NOTCH4: variants seen among roughly 807,000 people sequenced by gnomAD.
The protein encoded by NOTCH4 is notch receptor 4, also known as neurogenic locus notch homolog protein 4.
Under a neutral mutation model 189.0 loss-of-function variants are expected in NOTCH4, and 138 were observed. The ratio of observed to expected loss-of-function variants is 0.73; its 90% CI spans 0.64 to 0.84. The LOEUF is 0.84. NOTCH4 is among the 40% of genes least tolerant of loss of function. NOTCH4 has a pLI of 0.00. For missense variants in NOTCH4, 2,286 were observed against 2,605.4 expected (o/e 0.88, Z 2.67); for synonymous variants, 942 against 1,032.8 (o/e 0.91, Z 1.69).
Position 32,196,077 on chromosome 6 carries a change from GC to G in NOTCH4, c.5371del (p.Ala1791GlnfsTer11). 1 of 1,592,478 alleles carries G rather than the reference GC, an allele frequency of 6.3e-7. No individual in the cohort carries two copies. On this transcript the variant is annotated frameshift_variant, in exon 30 of 30. Transcript: ENST00000375023. LOFTEE classifies it low-confidence loss of function (END_TRUNC). Reference sequence around the variant, plus strand: ...AGCCTGGTCCCGCAGCTCTCGGGCTGCCCCCAGCCCCAGCAGTAGCTGGGCT... The same window carrying G: ...AGCCTGGTCCCGCAGCTCTCGGGCTGCCCCAGCCCCAGCAGTAGCTGGGCT... ...EVAQLLLGLG[A>X]ARELRDQAGL...
In NOTCH4 at chr6:32,217,937, A is replaced by G. The variant is rs1336226836; in HGVS notation, c.1624+58T>C. ...GGCCTTGGGTGATTGCTGAGCCTGA[A>G]CTCTGCAGGTTCAGAGGCCTGGGGT... On this transcript the variant is annotated intron_variant, in intron 9 of 29. Transcript: ENST00000375023. This position sits in a 1 kb window ranked among gnomAD's most constrained non-coding sequence, Gnocchi z 4.2. 8.7e-7 allele frequency: 1 copy of G among 1,147,088 alleles called. No individual in the cohort carries two copies. Among genetic ancestry groups the G allele is most frequent in the Non-Finnish European group, 1.3e-6 (1 of 765,534 alleles). The allele number at this position is 1,147,088 out of a possible 1,614,324, so 71.1% of individuals were successfully genotyped here.
intron 8 of NOTCH4, 54 bp from the exon 9 acceptor site, chr6:32,218,162 C>A: frequency 1.7e-6 from 2 of 1,203,748 alleles, no homozygotes; most frequent in Non-Finnish European, 2.4e-6. Context: ...GCCTGGGAGA[C>A]CTGTGTTCTA....
Position 32,222,997 on chromosome 6 carries a change from A to C in NOTCH4, c.155+8T>G, listed in dbSNP as rs765550703. ...CTCCAGTCTCCCACTCCTGCAAGGC[A>C]CACTCACTGGCAGGTCCCTTGTCCC... On this transcript the variant is annotated splice_region_variant and intron_variant, in intron 2 of 29. Transcript: ENST00000375023. The C allele has an allele frequency of 5.6e-6, 9 of 1,606,950 alleles. No homozygotes were observed. In the South Asian group the frequency reaches 9.9e-5, roughly 18 times the overall value.
In NOTCH4 at chr6:32,223,833, A is replaced by T. The variant is rs565940679; in HGVS notation, c.73+23T>A. 1.4e-5 allele frequency: 22 copies of T among 1,599,136 alleles called. No homozygotes were observed. The East Asian group carries it at 3.9e-4, about 28-fold the overall frequency. On this transcript the variant is annotated intron_variant, in intron 1 of 29. Coordinates refer to ENST00000375023, the MANE Select transcript of NOTCH4 (RefSeq NM_004557.4). ...CCTCCTAAGGGAGCTGGGTCCCCTCACCTCACCCACGCCATGCCTCACCTC... is the reference window on the plus strand; with the variant it reads ...CCTCCTAAGGGAGCTGGGTCCCCTCTCCTCACCCACGCCATGCCTCACCTC...
At chr6:32,196,867 T>C in intron 28 of NOTCH4, 58 bp downstream of exon 28, 1 of 1,595,798 alleles carries the variant, frequency 6.3e-7, no homozygotes, top group Non-Finnish European at 8.6e-7. Flanking sequence ...TTGCACGCTA[T>C]CTCCCACCCC....
chr6:32,217,995 C>G lies in NOTCH4; in HGVS notation c.1624G>C (p.Gly542Arg). The G allele has an allele frequency of 1.9e-6, 3 of 1,604,918 alleles. No individual in the cohort carries two copies. The highest frequency in any genetic ancestry group is 2.6e-6 in the Non-Finnish European group (3 of 1,171,906). ...TGGCCAGAGAGGCATCTGTACTCAC[C>G]AGGCAGGCAGATGCACTGGAAGCCG... is the stretch of plus-strand genomic sequence containing the variant. ...LNGFQCICLP[G>R]FSGTRCEEDI... The change falls in exon 9 of 30, where the codon GGA becomes CGA. Residue 542 changes from glycine (G) to arginine (R), a missense_variant and splice_region_variant. Gly to Arg is a moderately radical substitution (Grantham distance 125). Coordinates refer to ENST00000375023, the MANE Select transcript of NOTCH4 (RefSeq NM_004557.4). This position sits in a 1 kb window ranked among gnomAD's most constrained non-coding sequence, Gnocchi z 4.2.
chr6:32,201,640 C>T lies in NOTCH4; in HGVS notation c.3756-140G>A. On this transcript the variant is annotated intron_variant, in intron 21 of 29. Coordinates refer to ENST00000375023, the MANE Select transcript of NOTCH4 (RefSeq NM_004557.4). The surrounding 1 kb of genome is among the most constrained non-coding windows in gnomAD (Gnocchi z 5.5). ...GCAGCTGTGGAGCAATGAGCTTAGT[C>T]AAGTCCTGGATGGTAGTCCAGACAC... The T allele has an allele frequency of 3.9e-6, 3 of 759,754 alleles. No homozygotes were observed. The highest frequency in any genetic ancestry group is 5.7e-6 in the Non-Finnish European group (3 of 524,578). The allele number at this position is 759,754 out of a possible 1,614,324, so 47.1% of individuals were successfully genotyped here.
In NOTCH4 at chr6:32,220,281, A is replaced by G; in HGVS notation, c.1163T>C (p.Leu388Pro). Residue 388 changes from leucine (L) to proline (P), a missense_variant, in exon 7 of 30, where the codon CTC (leucine) becomes CCC (proline). This residue lies in a region of NOTCH4 where 1,903 missense variants were observed against 2,261.9 expected (regional missense o/e 0.84). Coordinates refer to ENST00000375023, the MANE Select transcript of NOTCH4 (RefSeq NM_004557.4). ...SCLCPPGRTG[L>P]LCHLEDMCLS... ...ACACATGTCTTCCAAGTGGCACAGG[A>G]GTCCTGGAGGGGTAAGAGGGGGTGA... 6.2e-7 allele frequency: 1 copy of G among 1,612,332 alleles called. No homozygotes were observed. The highest frequency in any genetic ancestry group is 1.3e-5 in the African/African-American group (1 of 74,934).
In NOTCH4 at chr6:32,219,743, G is replaced by A; in HGVS notation, c.1359C>T (p.Leu453=). Reference sequence around the variant, plus strand: ...GGCAGTTGAAGGAGCCAGGAGTGTTGAGGCAGGAACCGCCATGTTCACAGG... The same window carrying A: ...GGCAGTTGAAGGAGCCAGGAGTGTTAAGGCAGGAACCGCCATGTTCACAGG... ...PSPCEHGGSC[L]NTPGSFNCLC... Residue 453 remains leucine (L), a synonymous_variant, in exon 8 of 30, where the codon CTC becomes CTT. Coordinates refer to ENST00000375023, the MANE Select transcript of NOTCH4 (RefSeq NM_004557.4). 6.2e-7 allele frequency: 1 copy of A among 1,613,032 alleles called. No homozygotes were observed. The highest frequency in any genetic ancestry group is 8.5e-7 in the Non-Finnish European group (1 of 1,179,922).
At chr6:32,197,127 T>C (rs1175265156) in intron 27 of NOTCH4, 55 bp from the exon 28 acceptor site, 1 of 1,587,116 alleles carries the variant, frequency 6.3e-7, no homozygotes, top group Non-Finnish European at 8.6e-7. Context: ...CCAACTCGAG[T>C]TCCTTACACT....
In NOTCH4 at chr6:32,198,995, C is replaced by G. The variant is rs753820483; in HGVS notation, c.4466G>C (p.Arg1489Pro). ...GGGAGCTGACTGAGTCCGAGGCCGT[C>G]GAGTGAAACCAGGGGGCAGCCAGAG... ...GALWLPPGFT[R>P]RPRTQSAPHR... The change falls in exon 24 of 30, where the codon CGA becomes CCA. Residue 1489 changes from arginine to proline, a missense_variant. This residue lies in a region of NOTCH4 where 1,903 missense variants were observed against 2,261.9 expected (regional missense o/e 0.84). Coordinates refer to ENST00000375023, the MANE Select transcript of NOTCH4 (RefSeq NM_004557.4). This position sits in a 1 kb window ranked among gnomAD's most constrained non-coding sequence, Gnocchi z 5.5. The G allele has an allele frequency of 6.2e-7, 1 of 1,611,548 alleles. No individual in the cohort carries two copies. Among genetic ancestry groups the G allele is most frequent in the South Asian group, 1.1e-5 (1 of 90,870 alleles).
chr6:32,205,117 AAG>A (rs1369882702), intron 18 of NOTCH4, among the ~76,000 whole-genome samples: 2 of 152,142 alleles, frequency 1.3e-5, no homozygotes, highest in African/African-American at 2.4e-5. Flanking sequence ...TGCAAGAGGA[AAG>A]AGAGTGTGCA....
rs944254689 is a variant in NOTCH4 at position 32,210,056 on chromosome 6, C to T, written c.2865+696G>A. ...TTAGACTTGAATGCCAGCTTTGCCT[C>T]TCCTGGCTTAGTGACCTGGACCACA... is the stretch of plus-strand genomic sequence containing the variant. On this transcript the variant is annotated intron_variant, in intron 18 of 29. Coordinates refer to ENST00000375023, the MANE Select transcript of NOTCH4 (RefSeq NM_004557.4). The surrounding 1 kb of genome is among the most constrained non-coding windows in gnomAD (Gnocchi z 4.8). 1.3e-5 allele frequency among the ~76,000 whole-genome samples: 2 copies of T among 152,206 alleles called. No individual in the cohort carries two copies. Among genetic ancestry groups the T allele is most frequent in the Non-Finnish European group, 2.9e-5 (2 of 68,036 alleles).
At position 32,201,624 on chromosome 6, in the gene NOTCH4, G is replaced by A. The variant is rs1788359999; in HGVS notation, c.3756-124C>T. 6 of 906,572 alleles carry A rather than the reference G, an allele frequency of 6.6e-6. No homozygotes were observed. The highest frequency in any genetic ancestry group is 9.2e-6 in the Non-Finnish European group (6 of 650,846). The allele number at this position is 906,572 out of a possible 1,614,324, so 56.2% of individuals were successfully genotyped here. ...TGGTTGCTAAGTGGGGGCAGCTGTG[G>A]AGCAATGAGCTTAGTCAAGTCCTGG... is the stretch of plus-strand genomic sequence containing the variant. On this transcript the variant is annotated intron_variant, in intron 21 of 29. Coordinates refer to ENST00000375023, the MANE Select transcript of NOTCH4 (RefSeq NM_004557.4). The surrounding 1 kb of genome is among the most constrained non-coding windows in gnomAD (Gnocchi z 5.5).
Position 32,218,042 on chromosome 6 carries a change from G to T in NOTCH4, c.1577C>A (p.Ala526Glu). The T allele has an allele frequency of 1.2e-6, 2 of 1,613,974 alleles. No individual in the cohort carries two copies. Among genetic ancestry groups the T allele is most frequent in the Non-Finnish European group, 1.7e-6 (2 of 1,179,896 alleles). Residue 526 changes from alanine (A) to glutamate (E), a missense_variant, in exon 9 of 30, where the codon GCG becomes GAG. Around this residue, in one of 2 missense-constraint regions of NOTCH4, gnomAD observed 1,903 missense variants for 2,261.9 expected, o/e 0.84. Transcript: ENST00000375023. The part of the protein sequence containing the change: ...ECASAPCLNH[A>E]DCHDLLNGFQ... ...GCCGTTGAGCAGGTCATGGCAATCCGCGTGGTTCAGGCAGGGAGCTGAGGC... is the reference window on the plus strand; with the variant it reads ...GCCGTTGAGCAGGTCATGGCAATCCTCGTGGTTCAGGCAGGGAGCTGAGGC...
At position 32,199,072 on chromosome 6, in the gene NOTCH4, C is replaced by G. The variant is rs550361250; in HGVS notation, c.4389G>C (p.Gly1463=). The G allele has an allele frequency of 6.2e-7, 1 of 1,612,754 alleles. No individual in the cohort carries two copies. The highest frequency in any genetic ancestry group is 8.5e-7 in the Non-Finnish European group (1 of 1,179,852). ...GGATGAGCTGGAGGACGAGAAGAGCCCCTAGGGCCAGGAGAATCACCCCGG... is the reference window on the plus strand; with the variant it reads ...GGATGAGCTGGAGGACGAGAAGAGCGCCTAGGGCCAGGAGAATCACCCCGG... ...PVAGVILLAL[G]ALLVLQLIRR... The change falls in exon 24 of 30, where the codon GGG becomes GGC. Residue 1463 remains glycine, a synonymous_variant. Coordinates refer to ENST00000375023, the MANE Select transcript of NOTCH4 (RefSeq NM_004557.4). The surrounding 1 kb of genome is among the most constrained non-coding windows in gnomAD (Gnocchi z 4.9).
chr6:32,220,001 C>A, intron 7 of NOTCH4, 128 bp downstream of exon 7: 1 of 1,184,034 alleles, frequency 8.4e-7, no homozygotes, highest in African/African-American at 1.5e-5. Context: ...CAAGAGATGC[C>A]AAATCTGGGC....
Position 32,196,930 on chromosome 6 carries a change from T to G in NOTCH4, c.5195A>C (p.Lys1732Thr). 6.2e-7 allele frequency: 1 copy of G among 1,612,884 alleles called. No homozygotes were observed. Among genetic ancestry groups the G allele is most frequent in the Non-Finnish European group, 8.5e-7 (1 of 1,180,006 alleles). Reference protein sequence around the residue: ...AAQADVGARDKWGKTALHWAA... With the variant: ...AAQADVGARDTWGKTALHWAA... ...TCACCCCTTCCTCTACATACCCCAT[T>G]TATCTCTGGCCCCCACGTCTGCTTG... Residue 1732 changes from lysine to threonine, a missense_variant, in exon 28 of 30, where the codon AAA becomes ACA. Lys to Thr is a moderately conservative substitution (Grantham distance 78, BLOSUM62 -1). Transcript: ENST00000375023.
At chr6:32,218,159 A>C in intron 8 of NOTCH4, 51 bp from the exon 9 acceptor site, 1 of 1,226,078 alleles carries the variant, frequency 8.2e-7, no homozygotes, top group Non-Finnish European at 1.2e-6. Context: ...TCTGCCTGGG[A>C]GACCTGTGTT....
Sources: gnomAD v4.1 joint callset for allele counts (sites outside exome capture counted in the v4.1 genomes callset) on GRCh38, gnomAD v4.1.1 for gene constraint, gnomAD v4.1.1 regional missense constraint, Gnocchi (gnomAD v3.1) non-coding constraint, MANE v1.5 for transcripts, NCBI Gene and HGNC (gene_info 2026-07-23, HGNC 2026-07-21) for gene names.